The following RFX8 variants were observed in gnomAD, a reference collection of about 807,000 sequenced individuals.
The protein encoded by RFX8 is DNA-binding protein RFX8.
A neutral mutation model predicts 54.6 loss-of-function variants in RFX8; 46 were observed. That is an observed-to-expected ratio of 0.84 (90% CI 0.67 to 1.08). The LOEUF (loss-of-function observed/expected upper bound fraction) is 1.08, where lower values mean the gene tolerates loss of function less well. RFX8 is among the 50% of genes least tolerant of loss of function. The pLI is 0.00. For synonymous variants in RFX8, 192 were observed against 209.5 expected, an observed-to-expected ratio of 0.92 and a Z score of 0.72; for missense variants, 536 against 562.3, an observed-to-expected ratio of 0.95 and a Z score of 0.47.
intron 5 of RFX8, 62 bp from the exon 6 acceptor site, chr2:101,417,746 T>G (rs1167209040): frequency 2.2e-5 from 31 of 1,385,458 alleles, no homozygotes; most frequent in Non-Finnish European, 2.8e-5. Flanking sequence ...CTGAAGCTTA[T>G]GCATGCCACA....
At chr2:101,451,805 G>A (rs1456358815) in intron 2 of RFX8, among the ~76,000 whole-genome samples, 2 of 151,502 alleles carry the variant, frequency 1.3e-5, no homozygotes, top group Non-Finnish European at 2.9e-5. Context: ...AATTAAAACA[G>A]CTCCAAGGCC....
rs781675133 is a variant in RFX8, at chr2:101,402,670, C to T, written c.1011G>A (p.Glu337=). The T allele has an allele frequency of 1.5e-5, 24 of 1,555,194 alleles. No homozygotes were observed. In the African/African-American group the frequency reaches 3.1e-4, roughly 20 times the overall value. Residue 337 remains glutamate (E), a synonymous_variant, in exon 11 of 12, where the codon GAG becomes GAA. Coordinates refer to ENST00000428343, the MANE Select transcript of RFX8 (RefSeq NM_001145664.2). ...TTTCCTTGACAGTCCCCATGTCCTC[C>T]TCCTCCTCTTCCTCCTCTAGGCATG... The part of the protein sequence containing the change: ...LQSCLEEEEE[E]EDMGTVKEML...
intron 2 of RFX8, among the ~76,000 whole-genome samples, chr2:101,445,083 T>C (rs1688296971): frequency 6.6e-6 from 1 of 152,166 alleles, no homozygotes; most frequent in African/African-American, 2.4e-5. Context: ...ATTTAAGTCA[T>C]TCATCTCAAT....
At chr2:101,408,098 A>AG in intron 9 of RFX8, among the ~76,000 whole-genome samples, 1 of 152,352 alleles carries the variant, frequency 6.6e-6, no homozygotes, top group East Asian at 1.9e-4. Flanking sequence ...CTGAAGGCAC[A>AG]ACGATGGAGA....
At chr2:101,443,631 G>C (rs1349882336) in intron 2 of RFX8, among the ~76,000 whole-genome samples, 1 of 152,144 alleles carries the variant, frequency 6.6e-6, no homozygotes, top group South Asian at 2.1e-4. Context: ...GGGTAGAGAC[G>C]ACAGGAGTAG....
chr2:101,468,536 C>T (rs961849019), intron 1 of RFX8, among the ~76,000 whole-genome samples: 1 of 152,004 alleles, frequency 6.6e-6, no homozygotes, highest in Non-Finnish European at 1.5e-5. Flanking sequence ...GCGCTCCACC[C>T]ACCTCAGCCT....
At chr2:101,456,108 T>G (rs1688950633) in intron 2 of RFX8, among the ~76,000 whole-genome samples, 1 of 152,208 alleles carries the variant, frequency 6.6e-6, no homozygotes, top group Admixed American at 6.5e-5. Flanking sequence ...TAAGGAGATT[T>G]TGGGCTGAGA....
intron 2 of RFX8, among the ~76,000 whole-genome samples, chr2:101,449,622 T>G (rs1688570581): frequency 6.6e-6 from 1 of 152,080 alleles, no homozygotes; most frequent in African/African-American, 2.4e-5. Flanking sequence ...GATTTCCATA[T>G]GTTGAGTGTG....
intron 2 of RFX8, 53 bp from the exon 3 acceptor site, chr2:101,422,525 G>T: frequency 9.1e-7 from 1 of 1,100,552 alleles, no homozygotes; most frequent in Non-Finnish European, 1.4e-6. Flanking sequence ...TACTTTTTTT[G>T]GCATATAAAT....
chr2:101,470,463 A>G (rs1017625545), intron 1 of RFX8, among the ~76,000 whole-genome samples: 17 of 152,184 alleles, frequency 1.1e-4, no homozygotes, highest in African/African-American at 4.1e-4. Context: ...CTCTGCCACC[A>G]AAATGTCCTT....
chr2:101,413,478 C>T (rs1246338039), intron 7 of RFX8, among the ~76,000 whole-genome samples: 2 of 152,192 alleles, frequency 1.3e-5, no homozygotes. Context: ...TCGTGGGAGC[C>T]TTGGCCATGA....
intron 2 of RFX8, among the ~76,000 whole-genome samples, chr2:101,425,368 G>A (rs1687112957): frequency 6.6e-6 from 1 of 152,192 alleles, no homozygotes; most frequent in African/African-American, 2.4e-5. Context: ...TGAATCTGAT[G>A]AGACAAGAAC....
Position 101,418,953 on chromosome 2 carries a change from C to G in RFX8, c.249G>C (p.Leu83Phe). The change falls in exon 5 of 12, where the codon TTG (leucine) becomes TTC (phenylalanine). Residue 83 changes from leucine (L) to phenylalanine (F), a missense_variant. Physicochemically the swap from Leu to Phe is conservative, Grantham distance 22 (BLOSUM62 0). Transcript: ENST00000428343. Reference protein sequence around the residue: ...CRDILRNVEDLLTSFWKSLQQ... With the variant: ...CRDILRNVEDFLTSFWKSLQQ... ...GCAGAGACTTCCAGAAGGAAGTAAG[C>G]AAGTCCTCCACCTGGGGTAAGTAAC... 6.5e-7 allele frequency: 1 copy of G among 1,543,736 alleles called. No individual in the cohort carries two copies. Among genetic ancestry groups the G allele is most frequent in the Non-Finnish European group, 8.8e-7 (1 of 1,140,262 alleles).
rs1310668617 is a variant in RFX8 at position 101,471,170 on chromosome 2, C to T, written c.-53+3466G>A. On this transcript the variant is annotated intron_variant, in intron 1 of 11. Transcript: ENST00000428343. ...CTAACATGGCGAAACCCCGTCTCTA[C>T]GAAAAATACAAAAATTAGCTGGGCG... 4.6e-5 allele frequency among the ~76,000 whole-genome samples: 7 copies of T among 151,876 alleles called. No homozygotes were observed. In the East Asian group the frequency reaches 9.9e-4, roughly 21 times the overall value.
intron 2 of RFX8, among the ~76,000 whole-genome samples, chr2:101,432,646 C>A (rs2104616727): frequency 6.6e-6 from 1 of 152,262 alleles, no homozygotes; most frequent in East Asian, 1.9e-4. Context: ...TGCGTCATTT[C>A]CAGAGTGTGG....
intron 1 of RFX8, among the ~76,000 whole-genome samples, chr2:101,470,626 C>T (rs955389448): frequency 9.9e-5 from 15 of 151,698 alleles, no homozygotes; most frequent in South Asian, 4.2e-4. Flanking sequence ...ATGTTCTCCT[C>T]GCTTTGAGTG....
At position 101,428,836 on chromosome 2, in the gene RFX8, G is replaced by A. The variant is rs1687329656; in HGVS notation, c.73-6364C>T. 20 of 668,376 alleles carry A rather than the reference G, an allele frequency of 3.0e-5. No homozygotes were observed. In the South Asian group the frequency reaches 3.5e-4, roughly 12 times the overall value. The allele number at this position is 668,376 out of a possible 1,614,324, so 41.4% of individuals were successfully genotyped here. ...AACATTCATGGTCAGATGGGTGAAT[G>A]GTTAGGGGCTACCTAGAGTCAGAAG... On this transcript the variant is annotated intron_variant, in intron 2 of 11. Transcript: ENST00000428343.
chr2:101,417,716 T>A (rs551079642), intron 5 of RFX8, 32 bp from the exon 6 acceptor site: 1 of 1,523,132 alleles, frequency 6.6e-7, no homozygotes, highest in Admixed American at 2.0e-5. Flanking sequence ...ACTATGATTC[T>A]GCTGATGGTG....
intron 9 of RFX8, among the ~76,000 whole-genome samples, chr2:101,409,830 C>G (rs1407899410): frequency 6.6e-6 from 1 of 152,028 alleles, no homozygotes; most frequent in Non-Finnish European, 1.5e-5. Flanking sequence ...CAGCCCCTAG[C>G]TCTCCCCACC....
Sources: allele counts gnomAD v4.1 joint callset (sites outside exome capture counted in the v4.1 genomes callset), GRCh38; gene constraint gnomAD v4.1.1; transcripts MANE v1.5; gene names NCBI Gene and HGNC (gene_info 2026-07-23, HGNC 2026-07-21).